Variants in AGAP1 observed in about 807,000 individuals in gnomAD.
AGAP1 encodes arf-GAP with GTPase, ANK repeat and PH domain-containing protein 1.
AGAP1 carries 29 observed loss-of-function variants against 105.3 expected under a neutral mutation model. That is an observed-to-expected ratio of 0.28 (90% CI 0.21 to 0.38). The LOEUF (loss-of-function observed/expected upper bound fraction) is 0.38, where lower values mean the gene tolerates loss of function less well. Among genes scored for constraint, AGAP1 ranks in the 10% least tolerant of loss-of-function variants. The pLI, the probability that AGAP1 is intolerant of heterozygous loss-of-function variation, is 1.00. For synonymous variants in AGAP1, 509 were observed against 485.9 expected, an observed-to-expected ratio of 1.05 and a Z score of -0.63; for missense variants, 998 against 1,165.1, an observed-to-expected ratio of 0.86 and a Z score of 2.09.
intron 1 of AGAP1, among the ~76,000 whole-genome samples, chr2:235,654,005 G>A (rs1000971475): frequency 6.6e-6 from 1 of 152,226 alleles, no homozygotes; most frequent in Non-Finnish European, 1.5e-5. Flanking sequence ...GCAGTGAGCT[G>A]AGATTGCACC....
At position 235,724,291 on chromosome 2, in the gene AGAP1, G is replaced by T. The variant is rs1951539991; in HGVS notation, c.310+6647G>T. On this transcript the variant is annotated intron_variant, in intron 3 of 17. Coordinates refer to ENST00000304032, the MANE Select transcript of AGAP1 (RefSeq NM_001037131.3). This position sits in a 1 kb window ranked among gnomAD's most constrained non-coding sequence, Gnocchi z 4.9. ...GGGATGGCTGGTAAAGGCTGTGCCG[G>T]CCCTGCCTCCCTCCCAGAAGGGCGA... Among the ~76,000 whole-genome samples the T allele has an allele frequency of 1.3e-5, 2 of 152,326 alleles. No homozygotes were observed. Among genetic ancestry groups the T allele is most frequent in the South Asian group, 4.1e-4 (2 of 4,822 alleles).
Position 236,124,516 on chromosome 2 carries a change from G to T in AGAP1, c.*394G>T. 3.9e-6 allele frequency: 1 copy of T among 259,526 alleles called. No individual in the cohort carries two copies. The allele number at this position is 259,526 out of a possible 1,614,324, so 16.1% of individuals were successfully genotyped here. On this transcript the variant is annotated 3_prime_UTR_variant, in exon 18 of 18. Transcript: ENST00000304032. The surrounding 1 kb of genome is among the most constrained non-coding windows in gnomAD (Gnocchi z 5.1). ...TCCTTAACTGGCAGTTGAGCACATA[G>T]TACATTTCCCCTCTACCAAACGGAA...
At position 236,001,902 on chromosome 2, in the gene AGAP1, C is replaced by T. The variant is rs79734055; in HGVS notation, c.1645+33279C>T. Among the ~76,000 whole-genome samples the T allele has an allele frequency of 3.1e-3, 479 of 152,294 alleles. 2 individuals carry two copies. Among genetic ancestry groups the T allele is most frequent in the Non-Finnish European group, 5.6e-3 (383 of 68,028 alleles). On this transcript the variant is annotated intron_variant, in intron 13 of 17. Coordinates refer to ENST00000304032, the MANE Select transcript of AGAP1 (RefSeq NM_001037131.3). The surrounding 1 kb of genome is among the most constrained non-coding windows in gnomAD (Gnocchi z 4.7). ...GTTTTTTTAACAATTACCAGTAATA[C>T]TTCCCTGAACATCATTGCACATACA...
At chr2:236,102,585 TAAAAA>T (rs372649210) in intron 16 of AGAP1, among the ~76,000 whole-genome samples, 5 of 134,584 alleles carry the variant, frequency 3.7e-5, no homozygotes, top group Non-Finnish European at 4.9e-5. Flanking sequence ...GAGAGACTGT[TAAAAA>T]AAAAAAAAAA....
Position 235,623,414 on chromosome 2 carries a change from T to G in AGAP1, c.164-85765T>G, listed in dbSNP as rs1352939460. ...ATTTGGAGATGGTGGGTTATTAGACTTCACTTGGTCTGCACGTGGTGGCTT... is the reference window on the plus strand; with the variant it reads ...ATTTGGAGATGGTGGGTTATTAGACGTCACTTGGTCTGCACGTGGTGGCTT... On this transcript the variant is annotated intron_variant, in intron 1 of 17. Coordinates refer to ENST00000304032, the MANE Select transcript of AGAP1 (RefSeq NM_001037131.3). The surrounding 1 kb of genome is among the most constrained non-coding windows in gnomAD (Gnocchi z 4.5). Among the ~76,000 whole-genome samples, 1 of 152,224 alleles carries G rather than the reference T, an allele frequency of 6.6e-6. No homozygotes were observed. Among genetic ancestry groups the G allele is most frequent in the Non-Finnish European group, 1.5e-5 (1 of 68,038 alleles).
At chr2:236,075,729 G>A (rs1345047825) in intron 16 of AGAP1, among the ~76,000 whole-genome samples, 7 of 152,164 alleles carry the variant, frequency 4.6e-5, no homozygotes, top group African/African-American at 7.2e-5. Context: ...GCCTTTCTGC[G>A]TCCCTGACAG....
intron 13 of AGAP1, among the ~76,000 whole-genome samples, chr2:235,980,248 T>C (rs1559720158): frequency 6.6e-6 from 1 of 152,234 alleles, no homozygotes; most frequent in Non-Finnish European, 1.5e-5. Context: ...TCGGAAACAT[T>C]GATGGCTGTT....
intron 2 of AGAP1, among the ~76,000 whole-genome samples, chr2:235,717,088 T>G (rs1335641012): frequency 6.6e-6 from 1 of 152,098 alleles, no homozygotes; most frequent in Non-Finnish European, 1.5e-5. Context: ...TCTGCTCCTG[T>G]TGTCCTGCCC....
In AGAP1 at chr2:235,705,072, G is replaced by C. The variant is rs1029453254; in HGVS notation, c.164-4107G>C. ...CGGCTCGCTGCAACCTCTACCTCCC[G>C]GGTTCAAGCACTTCTCCTGCCTCAG... On this transcript the variant is annotated intron_variant, in intron 1 of 17. Transcript: ENST00000304032. This position sits in a 1 kb window ranked among gnomAD's most constrained non-coding sequence, Gnocchi z 4.9. 2.3e-5 allele frequency among the ~76,000 whole-genome samples: 3 copies of C among 131,994 alleles called. No homozygotes were observed. Among genetic ancestry groups the C allele is most frequent in the Admixed American group, 9.1e-5 (1 of 11,012 alleles). The allele number at this position is 131,994 out of a possible 152,430, so 86.6% of individuals were successfully genotyped here. A position where few individuals can be genotyped will look rare whatever the true frequency, so the allele number is the denominator to read the frequency against.
intron 6 of AGAP1, among the ~76,000 whole-genome samples, chr2:235,767,644 A>C (rs1200580316): frequency 6.6e-6 from 1 of 152,134 alleles, no homozygotes; most frequent in Non-Finnish European, 1.5e-5. Context: ...AAGTTTCTGC[A>C]GGCAGTAGGA....
intron 1 of AGAP1, among the ~76,000 whole-genome samples, chr2:235,525,658 C>A (rs1487575539): frequency 7.5e-6 from 1 of 132,674 alleles, no homozygotes; most frequent in Non-Finnish European, 1.6e-5. Flanking sequence ...AGGACTGACA[C>A]ATAATGTGGA....
Position 235,753,565 on chromosome 2 carries a change from G to T in AGAP1, c.673+3077G>T, listed in dbSNP as rs1219224718. ...ACTAAAATTGCAAAAAATTAGCCGG[G>T]CATGGTGGCAGGCACCTGTAATCCC... On this transcript the variant is annotated intron_variant, in intron 6 of 17. Transcript: ENST00000304032. The surrounding 1 kb of genome is among the most constrained non-coding windows in gnomAD (Gnocchi z 4.5). 6.6e-6 allele frequency among the ~76,000 whole-genome samples: 1 copy of T among 152,074 alleles called. No homozygotes were observed. Among genetic ancestry groups the T allele is most frequent in the African/African-American group, 2.4e-5 (1 of 41,406 alleles).
chr2:235,867,258 G>A lies in AGAP1; in HGVS notation c.1051-16087G>A, dbSNP rs1180770982. ...AAAGGCTGGAGAGGAGGTATGTTAGGCTTCATGGGTCGTGTGGTTTCTCCT... is the reference window on the plus strand; with the variant it reads ...AAAGGCTGGAGAGGAGGTATGTTAGACTTCATGGGTCGTGTGGTTTCTCCT... On this transcript the variant is annotated intron_variant, in intron 9 of 17. Coordinates refer to ENST00000304032, the MANE Select transcript of AGAP1 (RefSeq NM_001037131.3). The surrounding 1 kb of genome is among the most constrained non-coding windows in gnomAD (Gnocchi z 5.4). 2.0e-5 allele frequency among the ~76,000 whole-genome samples: 3 copies of A among 152,154 alleles called. No homozygotes were observed. The highest frequency in any genetic ancestry group is 4.4e-5 in the Non-Finnish European group (3 of 68,026).
At chr2:235,978,509 G>A (rs1429343327) in intron 13 of AGAP1, among the ~76,000 whole-genome samples, 2 of 152,218 alleles carry the variant, frequency 1.3e-5, no homozygotes, top group African/African-American at 2.4e-5. Flanking sequence ...ACCCTGTGTG[G>A]TGTTGGCAGG....
At chr2:235,673,633 A>T (rs1249527825) in intron 1 of AGAP1, among the ~76,000 whole-genome samples, 1 of 152,232 alleles carries the variant, frequency 6.6e-6, no homozygotes, top group Non-Finnish European at 1.5e-5. Flanking sequence ...GCCATTTATG[A>T]AAAGAAGTTC....
intron 1 of AGAP1, among the ~76,000 whole-genome samples, chr2:235,626,582 T>C (rs2149279040): frequency 6.6e-6 from 1 of 152,394 alleles, no homozygotes; most frequent in South Asian, 2.1e-4. Flanking sequence ...GTGATTTTTT[T>C]CCCTTTACAT....
intron 9 of AGAP1, among the ~76,000 whole-genome samples, chr2:235,815,753 G>A (rs1326455353): frequency 1.3e-5 from 2 of 152,170 alleles, no homozygotes; most frequent in Non-Finnish European, 2.9e-5. Context: ...TCCGACTTGG[G>A]GGTTTCCATT....
chr2:235,802,238 C>G (rs187141630), intron 8 of AGAP1, among the ~76,000 whole-genome samples: 20 of 152,280 alleles, frequency 1.3e-4, no homozygotes, highest in African/African-American at 3.9e-4. Context: ...TGCGGATTCA[C>G]CCTGCAGACA....
intron 1 of AGAP1, among the ~76,000 whole-genome samples, chr2:235,576,563 G>T (rs988626826): frequency 6.6e-6 from 1 of 152,216 alleles, no homozygotes; most frequent in Non-Finnish European, 1.5e-5. Context: ...TTTGTTGCAG[G>T]TATTGGTTGA....
Sources: allele counts gnomAD v4.1 joint callset (sites outside exome capture counted in the v4.1 genomes callset), GRCh38; gene constraint gnomAD v4.1.1; non-coding constraint Gnocchi (gnomAD v3.1); transcripts MANE v1.5; gene names NCBI Gene and HGNC (gene_info 2026-07-23, HGNC 2026-07-21).